TSPEAR: variants seen among roughly 807,000 people sequenced by gnomAD.
The protein encoded by TSPEAR is thrombospondin-type laminin G domain and EAR repeat-containing protein.
TSPEAR carries 69 observed loss-of-function variants against 71.6 expected under a neutral mutation model. The ratio of observed to expected loss-of-function variants is 0.96; its 90% CI spans 0.79 to 1.18. The LOEUF (loss-of-function observed/expected upper bound fraction) is 1.18, where lower values mean the gene tolerates loss of function less well. Ranked by LOEUF, TSPEAR falls within the 50% of genes most tolerant of loss-of-function variation. The pLI is 0.00. For missense variants in TSPEAR, 971 were observed against 894.9 expected, an observed-to-expected ratio of 1.09 and a Z score of -1.09; for synonymous variants, 402 against 387.2, an observed-to-expected ratio of 1.04 and a Z score of -0.45.
chr21:44,671,365 T>C (rs1195002446), intron 1 of TSPEAR, among the ~76,000 whole-genome samples: 1 of 152,148 alleles, frequency 6.6e-6, no homozygotes, highest in Non-Finnish European at 1.5e-5. Context: ...TGCTAGCACA[T>C]AAGCAAGCTG....
chr21:44,627,726 T>C (rs782318836), intron 1 of TSPEAR: 8 of 1,593,944 alleles, frequency 5.0e-6, no homozygotes, highest in African/African-American at 4.0e-5. Context: ...ACTGTGTGCC[T>C]GTCTGCTGTA....
chr21:44,658,108 T>C, intron 1 of TSPEAR: 1 of 1,612,602 alleles, frequency 6.2e-7, no homozygotes, highest in Non-Finnish European at 8.5e-7. Context: ...GCACGCGCAT[T>C]GTGTGCGTGG....
At chr21:44,618,441 A>G (rs1982245238) in intron 1 of TSPEAR, among the ~76,000 whole-genome samples, 2 of 152,252 alleles carry the variant, frequency 1.3e-5, no homozygotes, top group South Asian at 4.1e-4. Flanking sequence ...TAATACACAA[A>G]CAAACAAACA....
chr21:44,604,447 C>T (rs1981182413), intron 1 of TSPEAR, among the ~76,000 whole-genome samples: 1 of 152,114 alleles, frequency 6.6e-6, no homozygotes, highest in Non-Finnish European at 1.5e-5. Flanking sequence ...CATCGAGACA[C>T]CATGCACAAA....
chr21:44,627,135 T>G, intron 1 of TSPEAR: 1 of 1,587,950 alleles, frequency 6.3e-7, no homozygotes, highest in African/African-American at 1.3e-5. Flanking sequence ...ACACACTCAC[T>G]TACACCTCCC....
At chr21:44,650,926 C>T (rs1555941300) in intron 1 of TSPEAR, among the ~76,000 whole-genome samples, 3 of 152,280 alleles carry the variant, frequency 2.0e-5, no homozygotes, top group Admixed American at 6.5e-5. Context: ...AGTCTGAGGC[C>T]GGAATCTGCA....
chr21:44,612,737 T>G lies in TSPEAR; in HGVS notation c.83-44732A>C. 6.2e-7 allele frequency: 1 copy of G among 1,613,754 alleles called. No individual in the cohort carries two copies. The highest frequency in any genetic ancestry group is 8.5e-7 in the Non-Finnish European group (1 of 1,179,892). On this transcript the variant is annotated intron_variant, in intron 1 of 11. Transcript: ENST00000323084. The surrounding 1 kb of genome is among the most constrained non-coding windows in gnomAD (Gnocchi z 4.1). ...ACCCTCCTCCTCCGTGTCCCTCCTCTGCCGCCCTGTGTGCCGGCCTGCCTG... is the reference window on the plus strand; with the variant it reads ...ACCCTCCTCCTCCGTGTCCCTCCTCGGCCGCCCTGTGTGCCGGCCTGCCTG...
At chr21:44,527,758 G>A (rs1352933148) in intron 6 of TSPEAR, among the ~76,000 whole-genome samples, 1 of 152,230 alleles carries the variant, frequency 6.6e-6, no homozygotes, top group Non-Finnish European at 1.5e-5. Context: ...GTTGTGGGTT[G>A]TGGCCTTGTT....
At chr21:44,517,857 G>C in intron 9 of TSPEAR, 1 of 471,104 alleles carries the variant, frequency 2.1e-6, no homozygotes, top group Non-Finnish European at 4.4e-6. Context: ...TTGCTCTCGC[G>C]CTCCTTGGGC....
At chr21:44,635,697 C>T (rs1008879900) in intron 1 of TSPEAR, among the ~76,000 whole-genome samples, 5 of 152,098 alleles carry the variant, frequency 3.3e-5, no homozygotes, top group Admixed American at 2.6e-4. Flanking sequence ...CCTTCGGGAG[C>T]GATGATAGTA....
intron 2 of TSPEAR, chr21:44,539,530 G>A (rs1258170802): frequency 6.8e-6 from 11 of 1,613,040 alleles, no homozygotes; most frequent in African/African-American, 2.7e-5. Flanking sequence ...AGCATGAAGT[G>A]GAAGCCCCAG....
chr21:44,707,359 A>G (rs1365725049), intron 1 of TSPEAR, among the ~76,000 whole-genome samples: 1 of 151,348 alleles, frequency 6.6e-6, no homozygotes, highest in African/African-American at 2.4e-5. Context: ...GTAGTGGCAG[A>G]GGCGGAGGCC....
At position 44,612,317 on chromosome 21, in the gene TSPEAR, G is replaced by T; in HGVS notation, c.83-44312C>A. 6.2e-7 allele frequency: 1 copy of T among 1,613,488 alleles called. No homozygotes were observed. Among genetic ancestry groups the T allele is most frequent in the East Asian group, 2.2e-5 (1 of 44,866 alleles). On this transcript the variant is annotated intron_variant, in intron 1 of 11. Coordinates refer to ENST00000323084, the MANE Select transcript of TSPEAR (RefSeq NM_144991.3). This position sits in a 1 kb window ranked among gnomAD's most constrained non-coding sequence, Gnocchi z 4.1. Reference sequence around the variant, plus strand: ...CTGCTGTGCCCCAGCCCCCTGCCTGGCCCTGGTCTGTGCCCCAGTGAGCTG... The same window carrying T: ...CTGCTGTGCCCCAGCCCCCTGCCTGTCCCTGGTCTGTGCCCCAGTGAGCTG...
intron 1 of TSPEAR, among the ~76,000 whole-genome samples, chr21:44,599,008 G>A (rs587605670): frequency 6.6e-6 from 1 of 152,236 alleles, no homozygotes; most frequent in African/African-American, 2.4e-5. Flanking sequence ...TTCTTCAACA[G>A]CTCTTTTAGG....
chr21:44,682,151 G>T (rs776339965), intron 1 of TSPEAR: 11 of 1,607,984 alleles, frequency 6.8e-6, no homozygotes, highest in Non-Finnish European at 9.4e-6. Context: ...TAAGGTCGAG[G>T]CAGAGGGCAG....
intron 1 of TSPEAR, among the ~76,000 whole-genome samples, chr21:44,582,812 C>T (rs1030574488): frequency 1.4e-5 from 2 of 147,836 alleles, no homozygotes; most frequent in Non-Finnish European, 3.0e-5. Flanking sequence ...CTCTTTCTTT[C>T]TCTTTCTTTC....
In TSPEAR at chr21:44,502,841, G is replaced by C. The variant is rs587598447; in HGVS notation, c.1856+1939C>G. On this transcript the variant is annotated intron_variant, in intron 11 of 11. Coordinates refer to ENST00000323084, the MANE Select transcript of TSPEAR (RefSeq NM_144991.3). ...AAGGCTCTGGGAGGAGGCCGGCCTC[G>C]GTGAGCCCTTGGGGGGAAGCAAGGC... 4.9e-4 allele frequency among the ~76,000 whole-genome samples: 73 copies of C among 149,684 alleles called. 1 individual carries two copies. The South Asian group carries it at 0.013, about 26-fold the overall frequency.
intron 1 of TSPEAR, among the ~76,000 whole-genome samples, chr21:44,643,975 G>A (rs1172186926): frequency 2.0e-5 from 3 of 152,216 alleles, no homozygotes; most frequent in Non-Finnish European, 4.4e-5. Context: ...AAAAGACTAC[G>A]TTTTGGAAAA....
At chr21:44,601,817 A>T in intron 1 of TSPEAR, 1 of 1,532,692 alleles carries the variant, frequency 6.5e-7, no homozygotes, top group Non-Finnish European at 8.8e-7. Flanking sequence ...GGCTCTCCAC[A>T]TCCCGCTCCT....
Sources: allele counts gnomAD v4.1 joint callset (sites outside exome capture counted in the v4.1 genomes callset), GRCh38; gene constraint gnomAD v4.1.1; non-coding constraint Gnocchi (gnomAD v3.1); transcripts MANE v1.5; gene names NCBI Gene and HGNC (gene_info 2026-07-23, HGNC 2026-07-21).